KCNN2: variants seen among roughly 807,000 people sequenced by gnomAD.
KCNN2 encodes small conductance calcium-activated potassium channel protein 2.
A neutral mutation model predicts 55.5 loss-of-function variants in KCNN2; 24 were observed. The observed-to-expected ratio is 0.43, with a 90% CI of 0.31 to 0.61. KCNN2 has a LOEUF of 0.61. Among genes scored for constraint, KCNN2 ranks in the 20% least tolerant of loss-of-function variants. KCNN2 has a pLI of 0.08. For synonymous variants in KCNN2, 431 were observed against 336.1 expected (o/e 1.28, Z -3.09); for missense variants, 754 against 853.6 (o/e 0.88, Z 1.45).
chr5:114,429,463 C>G (rs1312539725), intron 3 of KCNN2, among the ~76,000 whole-genome samples: 1 of 151,920 alleles, frequency 6.6e-6, no homozygotes, highest in African/African-American at 2.4e-5. Flanking sequence ...TAATGTGGTG[C>G]CGTTCAGATC....
intron 7 of KCNN2, among the ~76,000 whole-genome samples, chr5:114,494,463 C>G (rs1314522539): frequency 1.3e-5 from 2 of 150,380 alleles, no homozygotes; most frequent in Non-Finnish European, 3.0e-5. Flanking sequence ...TGCATATAAA[C>G]TGGACAGCAC....
intron 1 of KCNN2, among the ~76,000 whole-genome samples, chr5:114,209,393 T>C (rs562556236): frequency 3.9e-5 from 6 of 152,132 alleles, no homozygotes; most frequent in African/African-American, 1.4e-4. Context: ...ATCTCCTTTT[T>C]AAAGCATTTT....
At chr5:114,398,921 A>C (rs1758700302) in intron 2 of KCNN2, among the ~76,000 whole-genome samples, 1 of 152,194 alleles carries the variant, frequency 6.6e-6, no homozygotes, top group South Asian at 2.1e-4. Context: ...GAGGTTGTTT[A>C]TTAAATCATT....
rs116084575 is a variant in KCNN2, at chr5:114,222,757, G to C, written c.-185+1192G>C. Among the ~76,000 whole-genome samples, 388 of 152,224 alleles carry C rather than the reference G, an allele frequency of 2.5e-3. 6 individuals are homozygous for C. The highest frequency in any genetic ancestry group is 8.9e-3 in the African/African-American group (371 of 41,544). On this transcript the variant is annotated intron_variant, in intron 2 of 10. Transcript: ENST00000512097. ...AAAAGTTAGACTTTTGGTGAAAGGT[G>C]ATCTTGGTCTCAAAATAGGCCTTCA...
At chr5:114,109,990 A>C (rs1490862799) in intron 1 of KCNN2, among the ~76,000 whole-genome samples, 2 of 152,004 alleles carry the variant, frequency 1.3e-5, no homozygotes, top group African/African-American at 4.8e-5. Context: ...TCCCCTCATG[A>C]ATGAGATTAA....
At chr5:114,230,302 C>G (rs1301043388) in intron 2 of KCNN2, among the ~76,000 whole-genome samples, 3 of 124,418 alleles carry the variant, frequency 2.4e-5, no homozygotes, top group Admixed American at 8.4e-5. Flanking sequence ...TTTTATTATA[C>G]TTTAAGTTTT....
intron 2 of KCNN2, among the ~76,000 whole-genome samples, chr5:114,321,768 C>G (rs1441567055): frequency 6.6e-6 from 1 of 152,048 alleles, no homozygotes; most frequent in Non-Finnish European, 1.5e-5. Flanking sequence ...CTCCTGGGCT[C>G]AAGTGATTCT....
chr5:114,415,366 C>T (rs1384000727), intron 3 of KCNN2, among the ~76,000 whole-genome samples: 2 of 152,172 alleles, frequency 1.3e-5, no homozygotes, highest in Non-Finnish European at 2.9e-5. Context: ...CACCAGCAAT[C>T]GGCAATGTAT....
intron 1 of KCNN2, among the ~76,000 whole-genome samples, chr5:114,219,167 A>G (rs979909049): frequency 1.3e-5 from 2 of 152,326 alleles, no homozygotes; most frequent in Admixed American, 6.5e-5. Context: ...TGACTCTTGA[A>G]GCCCCAGAGG....
At chr5:114,234,646 T>A (rs143291686) in intron 2 of KCNN2, among the ~76,000 whole-genome samples, 1,811 of 152,252 alleles carry the variant, frequency 0.012, 18 homozygotes, top group Non-Finnish European at 0.017. Flanking sequence ...TTGTTGAGAA[T>A]CTGCATACTC....
chr5:114,096,950 A>G (rs941477012), intron 1 of KCNN2, among the ~76,000 whole-genome samples: 1 of 152,106 alleles, frequency 6.6e-6, no homozygotes, highest in Non-Finnish European at 1.5e-5. Context: ...TACCTCCCTT[A>G]TATAGATGAG....
intron 3 of KCNN2, among the ~76,000 whole-genome samples, chr5:114,444,488 G>A (rs1580843021): frequency 6.6e-6 from 1 of 152,112 alleles, no homozygotes; most frequent in Non-Finnish European, 1.5e-5. Context: ...TAGGGTGCAA[G>A]TTCAGGACAG....
In KCNN2 at chr5:114,493,425, C is replaced by G; in HGVS notation, c.2041C>G (p.Gln681Glu). ...IHQLRSVKME[Q>E]RKLNDQANTL... ...TAGATTAAGAAGTGTAAAAATGGAG[C>G]AGAGGAAACTGAATGACCAAGCAAA... is the stretch of plus-strand genomic sequence containing the variant. The change falls in exon 7 of 8, where the codon CAG becomes GAG. Residue 681 changes from glutamine to glutamate, a missense_variant. Physicochemically the swap from Gln to Glu is conservative, Grantham distance 29. Coordinates refer to ENST00000673685, the MANE Select transcript of KCNN2 (RefSeq NM_021614.4). The G allele has an allele frequency of 6.2e-7, 1 of 1,605,340 alleles. No individual in the cohort carries two copies. The highest frequency in any genetic ancestry group is 8.5e-7 in the Non-Finnish European group (1 of 1,172,094).
intron 2 of KCNN2, among the ~76,000 whole-genome samples, chr5:114,292,493 G>A (rs1447964084): frequency 1.3e-5 from 2 of 152,210 alleles, no homozygotes; most frequent in Non-Finnish European, 2.9e-5. Context: ...TCAAAGATCA[G>A]ATAGTTGTAG....
chr5:114,063,719 C>G (rs1168001436), intron 1 of KCNN2, among the ~76,000 whole-genome samples: 1 of 152,180 alleles, frequency 6.6e-6, no homozygotes, highest in African/African-American at 2.4e-5. Flanking sequence ...ACCAGTTTGA[C>G]CCAGACCATC....
At chr5:114,399,052 C>A (rs1409553410) in intron 2 of KCNN2, among the ~76,000 whole-genome samples, 1 of 152,090 alleles carries the variant, frequency 6.6e-6, no homozygotes, top group Non-Finnish European at 1.5e-5. Context: ...CTTACATGAT[C>A]GCTCTAGCTA....
intron 2 of KCNN2, among the ~76,000 whole-genome samples, chr5:114,382,354 G>T (rs1399207037): frequency 6.6e-6 from 1 of 152,160 alleles, no homozygotes; most frequent in Non-Finnish European, 1.5e-5. Flanking sequence ...CATTGGAGAG[G>T]TTTACTAAAT....
At chr5:114,304,878 G>T (rs529098334) in intron 2 of KCNN2, among the ~76,000 whole-genome samples, 39 of 152,320 alleles carry the variant, frequency 2.6e-4, no homozygotes, top group African/African-American at 8.7e-4. Context: ...TTGCTTTTGA[G>T]TGTTAAGGGT....
chr5:114,294,866 G>T (rs908353055), intron 2 of KCNN2, among the ~76,000 whole-genome samples: 5 of 152,204 alleles, frequency 3.3e-5, no homozygotes, highest in African/African-American at 4.8e-5. Context: ...CCTGTATTGG[G>T]TGCATATATA....
Sources: gnomAD v4.1 joint callset for allele counts (sites outside exome capture counted in the v4.1 genomes callset) on GRCh38, gnomAD v4.1.1 for gene constraint, MANE v1.5 for transcripts, NCBI Gene and HGNC (gene_info 2026-07-23, HGNC 2026-07-21) for gene names.